The following FBXW7 variants were observed in gnomAD, a reference collection of about 807,000 sequenced individuals.
FBXW7 encodes the protein F-box/WD repeat-containing protein 7.
In FBXW7, 11 loss-of-function variants were observed where a neutral mutation model predicts 86.3. The observed-to-expected ratio is 0.13, with a 90% confidence interval of 0.08 to 0.21. The LOEUF (loss-of-function observed/expected upper bound fraction) is 0.21, where lower values mean the gene tolerates loss of function less well. FBXW7 is among the 10% of genes least tolerant of loss of function. The pLI is 1.00. For missense variants in FBXW7, 488 were observed against 847.4 expected, an observed-to-expected ratio of 0.58 and a Z score of 5.27; for synonymous variants, 313 against 297.9, an observed-to-expected ratio of 1.05 and a Z score of -0.52.
intron 4 of FBXW7, among the ~76,000 whole-genome samples, chr4:152,356,479 A>G (rs1360079064): frequency 6.6e-6 from 1 of 152,182 alleles, no homozygotes; most frequent in Non-Finnish European, 1.5e-5. Context: ...ATGTGTTTAT[A>G]TTCCTATGTC....
At chr4:152,452,609 T>C (rs1013552541) in intron 2 of FBXW7, among the ~76,000 whole-genome samples, 12 of 152,296 alleles carry the variant, frequency 7.9e-5, no homozygotes, top group South Asian at 6.2e-4. Context: ...TTTAAAAATC[T>C]AGCTTATAAA....
chr4:152,437,029 T>C (rs1740444017), intron 2 of FBXW7, among the ~76,000 whole-genome samples: 1 of 152,204 alleles, frequency 6.6e-6, no homozygotes, highest in African/African-American at 2.4e-5. Flanking sequence ...TACTTTCCAG[T>C]CTTGTTTTAG....
intron 2 of FBXW7, among the ~76,000 whole-genome samples, chr4:152,429,110 A>C (rs1447276546): frequency 6.6e-6 from 1 of 152,162 alleles, no homozygotes; most frequent in African/African-American, 2.4e-5. Flanking sequence ...GAATCACTTG[A>C]ACCTGGGAGG....
At chr4:152,488,689 C>T (rs921525874) in intron 2 of FBXW7, among the ~76,000 whole-genome samples, 2 of 151,998 alleles carry the variant, frequency 1.3e-5, no homozygotes, top group African/African-American at 4.8e-5. Context: ...GCAGAAATTT[C>T]TAGATGAAAT....
At chr4:152,370,617 ATC>A (rs1191662398) in intron 4 of FBXW7, among the ~76,000 whole-genome samples, 5 of 151,984 alleles carry the variant, frequency 3.3e-5, no homozygotes, top group African/African-American at 9.7e-5. Context: ...TTTTAGCATT[ATC>A]TACACTTGGA....
intron 11 of FBXW7, 33 bp from the exon 12 acceptor site, chr4:152,326,264 A>C: frequency 6.5e-7 from 1 of 1,548,150 alleles, no homozygotes; most frequent in Non-Finnish European, 8.8e-7. Context: ...ACAAAACAAA[A>C]CAAAAAAACC....
chr4:152,466,024 A>G (rs866801797), intron 2 of FBXW7, among the ~76,000 whole-genome samples: 5 of 152,158 alleles, frequency 3.3e-5, no homozygotes, highest in Non-Finnish European at 5.9e-5. Context: ...AAATAACATG[A>G]AAGGTAAGAA....
intron 2 of FBXW7, among the ~76,000 whole-genome samples, chr4:152,484,961 CAAA>C (rs369258930): frequency 1.9e-5 from 2 of 102,980 alleles, no homozygotes; most frequent in Non-Finnish European, 2.2e-5. Context: ...GACTCTGTCT[CAAA>C]AAAAAAAAAA....
chr4:152,341,378 C>A (rs941916628), intron 6 of FBXW7, among the ~76,000 whole-genome samples: 1 of 152,172 alleles, frequency 6.6e-6, no homozygotes, highest in African/African-American at 2.4e-5. Flanking sequence ...CCCTAGATAC[C>A]CACATGCCTT....
At chr4:152,336,822 C>T (rs532222494) in intron 7 of FBXW7, among the ~76,000 whole-genome samples, 1 of 151,990 alleles carries the variant, frequency 6.6e-6, no homozygotes, top group African/African-American at 2.4e-5. Context: ...TATTCGTATC[C>T]AACGTGCAAT....
At chr4:152,430,874 T>C (rs1739832850) in intron 2 of FBXW7, among the ~76,000 whole-genome samples, 1 of 152,202 alleles carries the variant, frequency 6.6e-6, no homozygotes, top group African/African-American at 2.4e-5. Context: ...TTATATTTAT[T>C]TTTGGATTCA....
chr4:152,345,062 G>A (rs890646244), intron 6 of FBXW7, among the ~76,000 whole-genome samples: 1 of 152,082 alleles, frequency 6.6e-6, no homozygotes, highest in African/African-American at 2.4e-5. Flanking sequence ...GTGTTAGCAT[G>A]GCAACATACA....
intron 4 of FBXW7, among the ~76,000 whole-genome samples, chr4:152,353,415 T>C (rs1732052976): frequency 6.6e-6 from 1 of 152,236 alleles, no homozygotes; most frequent in African/African-American, 2.4e-5. Flanking sequence ...ACATTGCCTA[T>C]GCTTTTCCAT....
At chr4:152,359,011 G>A (rs1732671247) in intron 4 of FBXW7, among the ~76,000 whole-genome samples, 1 of 152,112 alleles carries the variant, frequency 6.6e-6, no homozygotes, top group Non-Finnish European at 1.5e-5. Context: ...AGAAAAAAGT[G>A]TTATATTTTG....
chr4:152,477,213 A>G (rs1744494632), intron 2 of FBXW7, among the ~76,000 whole-genome samples: 1 of 152,180 alleles, frequency 6.6e-6, no homozygotes, highest in African/African-American at 2.4e-5. Flanking sequence ...TAAAATGTCA[A>G]GATTCTTCAC....
chr4:152,455,998 G>C (rs1742368823), intron 2 of FBXW7, among the ~76,000 whole-genome samples: 1 of 152,002 alleles, frequency 6.6e-6, no homozygotes, highest in South Asian at 2.1e-4. Context: ...ACATCTTTCA[G>C]GGGTCATTAT....
At chr4:152,473,010 A>T (rs956160857) in intron 2 of FBXW7, among the ~76,000 whole-genome samples, 3 of 152,052 alleles carry the variant, frequency 2.0e-5, no homozygotes, top group Admixed American at 2.0e-4. Flanking sequence ...TACTAATGAT[A>T]AAAAAAATTT....
At chr4:152,411,909 C>T (rs1737999975) in intron 3 of FBXW7, 37 bp from the exon 4 acceptor site, 1 of 1,433,040 alleles carries the variant, frequency 7.0e-7, no homozygotes, top group Non-Finnish European at 9.2e-7. Flanking sequence ...AAGATTTGTA[C>T]AATCTATATT....
At chr4:152,422,095 AT>A (rs1361696635) in intron 2 of FBXW7, among the ~76,000 whole-genome samples, 1 of 152,192 alleles carries the variant, frequency 6.6e-6, no homozygotes, top group African/African-American at 2.4e-5. Context: ...TAAAAAAAAA[AT>A]CAGAAGCAAA....
Sources: gnomAD v4.1 joint callset for allele counts (sites outside exome capture counted in the v4.1 genomes callset) on GRCh38, gnomAD v4.1.1 for gene constraint, MANE v1.5 for transcripts, NCBI Gene and HGNC (gene_info 2026-07-23, HGNC 2026-07-21) for gene names.